Variants in MTREX observed in about 807,000 individuals in gnomAD.
The protein encoded by MTREX is exosome RNA helicase MTR4.
Under a neutral mutation model 135.4 loss-of-function variants are expected in MTREX, and 76 were observed. The observed-to-expected ratio is 0.56, with a 90% confidence interval of 0.47 to 0.68. The LOEUF (loss-of-function observed/expected upper bound fraction) is 0.68, where lower values mean the gene tolerates loss of function less well. Among genes scored for constraint, MTREX ranks in the 30% least tolerant of loss-of-function variants. The probability of loss-of-function intolerance (pLI) is 0.00; values close to 1 mark genes in which losing one functional copy is unlikely to be tolerated. For missense variants in MTREX, 920 were observed against 1,262.1 expected (o/e 0.73, Z 4.11); for synonymous variants, 404 against 401.6 (o/e 1.01, Z -0.07).
At chr5:55,382,631 T>TTG (rs1561203946) in intron 18 of MTREX, among the ~76,000 whole-genome samples, 1 of 152,146 alleles carries the variant, frequency 6.6e-6, no homozygotes. Context: ...GGTTTTTTTT[T>TTG]GTTTTTTTGT....
At chr5:55,399,468 G>C (rs1408946379) in intron 20 of MTREX, among the ~76,000 whole-genome samples, 1 of 152,004 alleles carries the variant, frequency 6.6e-6, no homozygotes, top group Non-Finnish European at 1.5e-5. Context: ...TAAGCTAAAG[G>C]TCTCAGGACC....
At chr5:55,375,434 C>T (rs1224420992) in intron 16 of MTREX, among the ~76,000 whole-genome samples, 3 of 152,128 alleles carry the variant, frequency 2.0e-5, no homozygotes, top group Non-Finnish European at 4.4e-5. Flanking sequence ...AGGAATTCAT[C>T]GATATTTCTC....
chr5:55,363,318 AATGAACC>A (rs1313891280), intron 15 of MTREX, among the ~76,000 whole-genome samples: 2 of 152,228 alleles, frequency 1.3e-5, no homozygotes, highest in African/African-American at 4.8e-5. Context: ...TACTTGCCTA[AATGAACC>A]ATATATTCTA....
At chr5:55,356,873 C>A in intron 14 of MTREX, 1 of 165,538 alleles carries the variant, frequency 6.0e-6, no homozygotes, top group South Asian at 1.7e-4. Context: ...ATCTTGGAGT[C>A]AGTGCCTGGA....
intron 15 of MTREX, among the ~76,000 whole-genome samples, chr5:55,363,386 T>A (rs910931134): frequency 2.0e-5 from 3 of 152,208 alleles, no homozygotes; most frequent in Non-Finnish European, 2.9e-5. Flanking sequence ...CAAAAGCTTT[T>A]CTAGAAAATT....
intron 13 of MTREX, 60 bp from the exon 14 acceptor site, chr5:55,353,108 A>G (rs1749853826): frequency 1.7e-6 from 2 of 1,207,726 alleles, no homozygotes; most frequent in Non-Finnish European, 2.3e-6. Flanking sequence ...CTTAAAAATT[A>G]TAAAACCAGA....
chr5:55,339,772 A>G (rs990784309), intron 5 of MTREX, among the ~76,000 whole-genome samples: 2 of 152,186 alleles, frequency 1.3e-5, no homozygotes, highest in African/African-American at 4.8e-5. Context: ...TTAGTAATCT[A>G]TTGCTATTAG....
In MTREX at chr5:55,425,563, TA is replaced by T; in HGVS notation, c.*795del. On this transcript the variant is annotated 3_prime_UTR_variant, in exon 27 of 27. Transcript: ENST00000230640. ...ATAGCTTCATTTTGCCAATACTGAA[TA>T]AAAGAGTTATTTCTACATGTGAATT... 1 of 464,812 alleles carries T rather than the reference TA, an allele frequency of 2.2e-6. No homozygotes were observed. The highest frequency in any genetic ancestry group is 5.1e-5 in the South Asian group (1 of 19,738). 28.8% of individuals were successfully genotyped at this position (464,812 alleles called of 1,614,324 possible).
At chr5:55,374,410 C>T (rs992515718) in intron 16 of MTREX, among the ~76,000 whole-genome samples, 3 of 151,734 alleles carry the variant, frequency 2.0e-5, no homozygotes, top group African/African-American at 2.4e-5. Flanking sequence ...ACCTCAGCCT[C>T]CCAAGTAGCT....
chr5:55,351,176 A>G, intron 13 of MTREX, 147 bp downstream of exon 13: 2 of 968,992 alleles, frequency 2.1e-6, no homozygotes, highest in Non-Finnish European at 2.8e-6. Context: ...TTTATATATG[A>G]TGTTATACTT....
intron 8 of MTREX, among the ~76,000 whole-genome samples, chr5:55,344,161 G>A (rs1749693637): frequency 6.6e-6 from 1 of 152,096 alleles, no homozygotes; most frequent in African/African-American, 2.4e-5. Context: ...CCTGGGTGGG[G>A]CAGAAAAGTT....
chr5:55,310,700 A>G (rs996746515), intron 1 of MTREX, among the ~76,000 whole-genome samples: 11 of 152,210 alleles, frequency 7.2e-5, no homozygotes, highest in African/African-American at 2.7e-4. Flanking sequence ...TGTGTAACAT[A>G]GGAGGGCAAA....
intron 3 of MTREX, chr5:55,324,494 C>T (rs1416932646): frequency 1.5e-5 from 2 of 129,688 alleles, no homozygotes; most frequent in East Asian, 3.7e-4. Context: ...GTCGACCAGG[C>T]TGGAGTGCAA....
In MTREX at chr5:55,422,924, A is replaced by G. The variant is rs780611317; in HGVS notation, c.3018A>G (p.Gln1006=). The G allele has an allele frequency of 1.2e-6, 2 of 1,614,030 alleles. No homozygotes were observed. The highest frequency in any genetic ancestry group is 1.7e-6 in the Non-Finnish European group (2 of 1,180,010). ...GGCGCCTGGAAGAATTGCTTCGACA[A>G]ATGTGTCAAGCAGCAAAAGCCATTG... is the stretch of plus-strand genomic sequence containing the variant. The part of the protein sequence containing the change: ...CMRRLEELLR[Q]MCQAAKAIGN... The change falls in exon 26 of 27, where the codon CAA becomes CAG. Residue 1006 remains glutamine (Q), a synonymous_variant. Coordinates refer to ENST00000230640, the MANE Select transcript of MTREX (RefSeq NM_015360.5).
At chr5:55,341,565 A>G (rs988332718) in intron 6 of MTREX, 116 bp from the exon 7 acceptor site, 3 of 548,600 alleles carry the variant, frequency 5.5e-6, no homozygotes, top group African/African-American at 3.8e-5. Flanking sequence ...AATTATTTTA[A>G]TATTTCCATT....
chr5:55,340,755 G>A (rs1749635803), intron 6 of MTREX, among the ~76,000 whole-genome samples: 1 of 151,878 alleles, frequency 6.6e-6, no homozygotes, highest in South Asian at 2.1e-4. Flanking sequence ...CTAATTTTTT[G>A]TATTTTTAGT....
intron 3 of MTREX, among the ~76,000 whole-genome samples, chr5:55,326,865 C>T (rs1749387379): frequency 6.6e-6 from 1 of 152,088 alleles, no homozygotes; most frequent in Non-Finnish European, 1.5e-5. Context: ...CACCTCTCTA[C>T]AGGCCCCGGT....
intron 19 of MTREX, among the ~76,000 whole-genome samples, chr5:55,388,606 G>C (rs906943479): frequency 6.6e-6 from 1 of 152,172 alleles, no homozygotes; most frequent in Non-Finnish European, 1.5e-5. Flanking sequence ...ATGTAAGCCA[G>C]TGTAAGTGTT....
intron 22 of MTREX, among the ~76,000 whole-genome samples, chr5:55,406,098 C>G (rs1351426707): frequency 6.6e-6 from 1 of 152,144 alleles, no homozygotes; most frequent in Non-Finnish European, 1.5e-5. Context: ...TACAACAGAA[C>G]TTATTATAAG....
Sources: gnomAD v4.1 joint callset for allele counts (sites outside exome capture counted in the v4.1 genomes callset) on GRCh38, gnomAD v4.1.1 for gene constraint, MANE v1.5 for transcripts, NCBI Gene and HGNC (gene_info 2026-07-23, HGNC 2026-07-21) for gene names.